Variants in NLRC3 observed in about 807,000 individuals in gnomAD.
NLRC3 encodes the protein NLR family CARD domain-containing protein 3.
NLRC3 carries 87 observed loss-of-function variants against 91.6 expected under a neutral mutation model. The observed-to-expected ratio is 0.95, with a 90% CI of 0.80 to 1.14. The LOEUF (loss-of-function observed/expected upper bound fraction) is 1.14. Among genes scored for constraint, NLRC3 ranks in the 50% most tolerant of loss-of-function variants. The probability of loss-of-function intolerance (pLI) is 0.00; values close to 1 mark genes in which losing one functional copy is unlikely to be tolerated. For synonymous variants in NLRC3, 694 were observed against 625.3 expected, an observed-to-expected ratio of 1.11 and a Z score of -1.64; for missense variants, 1,577 against 1,418.6, an observed-to-expected ratio of 1.11 and a Z score of -1.79.
At chr16:3,568,195 AAAGTAAAAAT>A in intron 1 of NLRC3, among the ~76,000 whole-genome samples, 1 of 152,326 alleles carries the variant, frequency 6.6e-6, no homozygotes, top group Non-Finnish European at 1.5e-5. Context: ...AGTAAATAGT[AAAGTAAAAAT>A]AAGTAAAACA....
At chr16:3,577,118 C>A (rs372625361) in intron 1 of NLRC3, 31 bp downstream of exon 1, 1 of 703,046 alleles carries the variant, frequency 1.4e-6, no homozygotes, top group Non-Finnish European at 2.6e-6. Context: ...CCTCCCCTGC[C>A]CTGCACTGAG....
intron 15 of NLRC3, 43 bp downstream of exon 15, chr16:3,548,092 C>T (rs1460648549): frequency 7.2e-7 from 1 of 1,389,552 alleles, no homozygotes; most frequent in African/African-American, 1.4e-5. Context: ...TTCCCCTGTC[C>T]TCAACAGCCC....
chr16:3,546,287 G>A (rs571206468), intron 15 of NLRC3, among the ~76,000 whole-genome samples: 1 of 152,026 alleles, frequency 6.6e-6, no homozygotes, highest in East Asian at 1.9e-4. Context: ...TGGATGTGGT[G>A]GTTTGCACCT....
chr16:3,576,766 G>GAA (rs2040315375), intron 1 of NLRC3, among the ~76,000 whole-genome samples: 1 of 152,104 alleles, frequency 6.6e-6, no homozygotes, highest in South Asian at 2.1e-4. Context: ...GGGTTCAAGC[G>GAA]GTTCTCCTGC....
At position 3,564,387 on chromosome 16, in the gene NLRC3, T is replaced by A. The variant is rs765830253; in HGVS notation, c.550A>T (p.Thr184Ser). The stretch of plus-strand genomic sequence containing the variant: ...CGGTCGGCACACAGCTTCTCGTGGG[T>A]GTTGAGATCCCGGAAGGTCAGAGGC... Reference protein sequence around the residue: ...VLPLTFRDLNTHEKLCADRLI... With the variant: ...VLPLTFRDLNSHEKLCADRLI... The change falls in exon 5 of 20, where the codon ACC becomes TCC. Residue 184 changes from threonine (T) to serine (S), a missense_variant. Transcript: ENST00000359128. The surrounding 1 kb of genome is among the most constrained non-coding windows in gnomAD (Gnocchi z 5.9). The A allele has an allele frequency of 1.2e-6, 2 of 1,612,362 alleles. No homozygotes were observed. The highest frequency in any genetic ancestry group is 1.7e-5 in the Admixed American group (1 of 60,012).
At chr16:3,557,357 A>C (rs2039390512) in intron 7 of NLRC3, among the ~76,000 whole-genome samples, 1 of 152,186 alleles carries the variant, frequency 6.6e-6, no homozygotes, top group Non-Finnish European at 1.5e-5. Flanking sequence ...CCAGGAAGGC[A>C]TGTGCGCTAA....
At chr16:3,572,498 G>A (rs937865576) in intron 1 of NLRC3, among the ~76,000 whole-genome samples, 1 of 152,076 alleles carries the variant, frequency 6.6e-6, no homozygotes, top group Admixed American at 6.6e-5. Context: ...ATGTTGCCTA[G>A]GCTGGTCTCC....
At chr16:3,544,435 A>T in intron 15 of NLRC3, 106 bp from the exon 16 acceptor site, 2 of 740,064 alleles carry the variant, frequency 2.7e-6, no homozygotes, top group South Asian at 1.5e-5. Context: ...CACACACCAT[A>T]GACACTCCCA....
intron 2 of NLRC3, among the ~76,000 whole-genome samples, chr16:3,566,886 G>T (rs1039719949): frequency 1.3e-5 from 2 of 152,138 alleles, no homozygotes; most frequent in Non-Finnish European, 2.9e-5. Context: ...GCGAGACTCC[G>T]TAAGCCTAAA....
rs369541549 is a variant in NLRC3 at position 3,549,207 on chromosome 16, G to A, written c.2538C>T (p.Ile846=). The A allele has an allele frequency of 6.3e-7, 1 of 1,585,372 alleles. No homozygotes were observed. Among genetic ancestry groups the A allele is most frequent in the Non-Finnish European group, 8.6e-7 (1 of 1,165,474 alleles). The change falls in exon 13 of 20, where the codon ATC becomes ATT. Residue 846 remains isoleucine (I), a synonymous_variant. Coordinates refer to ENST00000359128, the MANE Select transcript of NLRC3 (RefSeq NM_178844.4). ...CGATGGCCTGGGCTCCCTCGGGACT[G>A]ATGGAGTTTTCTCGAAGGCTGAAAA... ...LLSLSLRENS[I]SPEGAQAIAH...
At chr16:3,567,795 C>G (rs1423277919) in intron 1 of NLRC3, among the ~76,000 whole-genome samples, 9 of 116,220 alleles carry the variant, frequency 7.7e-5, no homozygotes, top group African/African-American at 2.8e-4. Context: ...AAAAAAAAAG[C>G]TTGCTGTCTG....
chr16:3,563,103 C>G lies in NLRC3; in HGVS notation c.1834G>C (p.Asp612His). 6.3e-7 allele frequency: 1 copy of G among 1,576,952 alleles called. No individual in the cohort carries two copies. Among genetic ancestry groups the G allele is most frequent in the African/African-American group, 1.3e-5 (1 of 74,376 alleles). Residue 612 changes from aspartate to histidine, a missense_variant, in exon 5 of 20, where the codon GAC becomes CAC. Coordinates refer to ENST00000359128, the MANE Select transcript of NLRC3 (RefSeq NM_178844.4). ...AALAYLLQVS[D>H]ACAQEANLSL... ...AGGTTGGCCTCCTGGGCACAGGCGT[C>G]GGACACCTGCAGGAGGTAGGCCAGG... is the stretch of plus-strand genomic sequence containing the variant.
intron 2 of NLRC3, among the ~76,000 whole-genome samples, chr16:3,566,362 G>A (rs1293220996): frequency 6.6e-6 from 1 of 152,000 alleles, no homozygotes; most frequent in African/African-American, 2.4e-5. Context: ...AGGTCGAGGC[G>A]GGCAGATCAC....
intron 15 of NLRC3, among the ~76,000 whole-genome samples, chr16:3,547,318 AT>A (rs1236509502): frequency 6.6e-6 from 1 of 152,170 alleles, no homozygotes; most frequent in East Asian, 1.9e-4. Flanking sequence ...GTATGATTCT[AT>A]TTTTGGCCAC....
At chr16:3,544,079 AC>A (rs1457839613) in intron 16 of NLRC3, 166 bp downstream of exon 16, 2 of 584,566 alleles carry the variant, frequency 3.4e-6, no homozygotes, top group Non-Finnish European at 6.1e-6. Context: ...AATCACTTGA[AC>A]CCAGGAGGTG....
At chr16:3,553,739 T>A (rs1396151775) in intron 9 of NLRC3, among the ~76,000 whole-genome samples, 2 of 150,880 alleles carry the variant, frequency 1.3e-5, no homozygotes, top group Non-Finnish European at 3.0e-5. Context: ...TAATTTTATT[T>A]TATATTTTAA....
rs1596504577 is a variant in NLRC3, at chr16:3,576,006, C to T, written c.-169+1143G>A. ...TTCCCGAAGGAAGAAGGAAGTGGCA[C>T]CTGCACCTCAGGGCCCTACCCTGCT... On this transcript the variant is annotated intron_variant, in intron 1 of 19. Coordinates refer to ENST00000359128, the MANE Select transcript of NLRC3 (RefSeq NM_178844.4). Among the ~76,000 whole-genome samples, 3 of 152,312 alleles carry T rather than the reference C, an allele frequency of 2.0e-5. No homozygotes were observed. The South Asian group carries it at 6.2e-4, about 32-fold the overall frequency.
chr16:3,574,087 A>G (rs1464411105), intron 1 of NLRC3, among the ~76,000 whole-genome samples: 2 of 124,582 alleles, frequency 1.6e-5, no homozygotes, highest in Non-Finnish European at 3.1e-5. Flanking sequence ...TCGTGGCACT[A>G]TCTCGTCTCA....
intron 7 of NLRC3, 95 bp downstream of exon 7, chr16:3,557,498 C>G: frequency 1.4e-6 from 1 of 726,154 alleles, no homozygotes; most frequent in East Asian, 2.7e-5. Flanking sequence ...AGGTAAGACC[C>G]AAGTCATTTC....
Sources: allele counts gnomAD v4.1 joint callset (sites outside exome capture counted in the v4.1 genomes callset), GRCh38; gene constraint gnomAD v4.1.1; non-coding constraint Gnocchi (gnomAD v3.1); transcripts MANE v1.5; gene names NCBI Gene and HGNC (gene_info 2026-07-23, HGNC 2026-07-21).